NRIP1: variants seen among roughly 807,000 people sequenced by gnomAD.
NRIP1 encodes the protein nuclear receptor interacting protein 1.
In NRIP1, 28 loss-of-function variants were observed where a neutral mutation model predicts 75.0. That is an observed-to-expected ratio of 0.37 (90% CI 0.28 to 0.51). NRIP1 has a LOEUF of 0.51. Among genes scored for constraint, NRIP1 ranks in the 20% least tolerant of loss-of-function variants. The pLI is 0.92. For missense variants in NRIP1, 1,435 were observed against 1,343.7 expected (o/e 1.07, Z -1.06); for synonymous variants, 526 against 487.6 (o/e 1.08, Z -1.04).
intron 3 of NRIP1, among the ~76,000 whole-genome samples, chr21:14,972,828 A>G (rs1159162222): frequency 6.6e-6 from 1 of 152,150 alleles, no homozygotes; most frequent in Non-Finnish European, 1.5e-5. Flanking sequence ...TGTGCAGTTT[A>G]CACTAGGGTT....
At position 14,980,927 on chromosome 21, in the gene NRIP1, T is replaced by C. The variant is rs183092661; in HGVS notation, c.-334-12401A>G. 1.6e-3 allele frequency among the ~76,000 whole-genome samples: 241 copies of C among 152,316 alleles called. 2 individuals are homozygous for C. Among genetic ancestry groups the C allele is most frequent in the African/African-American group, 5.4e-3 (226 of 41,558 alleles). ...TGTCAAATTATCAAATTAAATACTA[T>C]TGAAATGACTTATATGACATCACTC... On this transcript the variant is annotated intron_variant, in intron 3 of 3. Transcript: ENST00000318948.
rs1403543103 is a variant in NRIP1, at chr21:14,965,338, T to G, written c.2855A>C (p.His952Pro). The change falls in exon 4 of 4, where the codon CAC becomes CCC. Residue 952 changes from histidine (H) to proline (P), a missense_variant. By Grantham distance (77) the His-to-Pro change is moderately conservative (BLOSUM62 -2). Coordinates refer to ENST00000318948, the MANE Select transcript of NRIP1 (RefSeq NM_003489.4). ...ACTGTCAGCCACAGAGTTACTTCTGTGCGGGGACAAATCTCGCACACAGTT... is the reference window on the plus strand; with the variant it reads ...ACTGTCAGCCACAGAGTTACTTCTGGGCGGGGACAAATCTCGCACACAGTT... ...SENCVRDLSPHRSNSVADSKK... is the reference protein window; with the variant it reads ...SENCVRDLSPPRSNSVADSKK... The G allele has an allele frequency of 6.2e-7, 1 of 1,613,958 alleles. No homozygotes were observed. The highest frequency in any genetic ancestry group is 8.5e-7 in the Non-Finnish European group (1 of 1,179,980).
intron 3 of NRIP1, among the ~76,000 whole-genome samples, chr21:14,987,101 C>A (rs1353361488): frequency 6.6e-6 from 1 of 152,150 alleles, no homozygotes; most frequent in Non-Finnish European, 1.5e-5. Flanking sequence ...AACTATCTTC[C>A]AAGGTGGTCT....
rs570153863 is a variant in NRIP1 at position 15,045,676 on chromosome 21, C to A, written c.-537-2102G>T. Among the ~76,000 whole-genome samples the A allele has an allele frequency of 3.3e-5, 5 of 152,304 alleles. No homozygotes were observed. In the South Asian group the frequency reaches 1.0e-3, roughly 32 times the overall value. ...TGATTCTTCCTTTCACAGAATAATT[C>A]TCTGTAGCATGTAATGCTGTTTGAT... is the stretch of plus-strand genomic sequence containing the variant. On this transcript the variant is annotated intron_variant, in intron 1 of 3. Transcript: ENST00000318948.
chr21:15,055,960 T>C (rs527610590), intron 1 of NRIP1, among the ~76,000 whole-genome samples: 2 of 150,916 alleles, frequency 1.3e-5, no homozygotes, highest in Middle Eastern at 3.4e-3. Context: ...GAATGAGATA[T>C]TAAGAAATAA....
intron 2 of NRIP1, among the ~76,000 whole-genome samples, chr21:15,026,824 CA>C (rs1386406479): frequency 6.6e-6 from 1 of 151,802 alleles, no homozygotes; most frequent in African/African-American, 2.4e-5. Context: ...AAATAAATTT[CA>C]AAAAACCAAT....
At chr21:15,018,799 C>T (rs2147195865) in intron 2 of NRIP1, among the ~76,000 whole-genome samples, 1 of 152,248 alleles carries the variant, frequency 6.6e-6, no homozygotes, top group South Asian at 2.1e-4. Context: ...TTTCCACATG[C>T]TCCAAAATAG....
chr21:15,004,363 T>C lies in NRIP1; in HGVS notation c.-335+9981A>G, dbSNP rs116900722. On this transcript the variant is annotated intron_variant, in intron 3 of 3. Coordinates refer to ENST00000318948, the MANE Select transcript of NRIP1 (RefSeq NM_003489.4). The stretch of plus-strand genomic sequence containing the variant: ...TAACTTTCTCTACACAATGTCATTT[T>C]GTGGATAAAAAAATAACTGCCATGT... Among the ~76,000 whole-genome samples the C allele has an allele frequency of 9.8e-5, 15 of 152,372 alleles. No individual in the cohort carries two copies. The East Asian group carries it at 2.9e-3, about 29-fold the overall frequency.
Position 15,052,602 on chromosome 21 carries a change from A to C in NRIP1, c.-537-9028T>G, listed in dbSNP as rs568078759. The stretch of plus-strand genomic sequence containing the variant: ...CAATACAGCCAATGACTTAAACTAC[A>C]GAAGGTAATTACAACTTGCTACTTA... On this transcript the variant is annotated intron_variant, in intron 1 of 3. Coordinates refer to ENST00000318948, the MANE Select transcript of NRIP1 (RefSeq NM_003489.4). Among the ~76,000 whole-genome samples the C allele has an allele frequency of 7.2e-5, 11 of 152,354 alleles. No individual in the cohort carries two copies. The South Asian group carries it at 2.3e-3, about 32-fold the overall frequency.
chr21:14,997,652 A>G (rs2087762444), intron 3 of NRIP1, among the ~76,000 whole-genome samples: 2 of 150,874 alleles, frequency 1.3e-5, no homozygotes, highest in Admixed American at 6.6e-5. Flanking sequence ...ACCCACAAAA[A>G]TAATCATTAT....
At chr21:14,973,046 TTTG>T (rs2086947075) in intron 3 of NRIP1, among the ~76,000 whole-genome samples, 2 of 152,208 alleles carry the variant, frequency 1.3e-5, no homozygotes, top group East Asian at 1.9e-4. Context: ...AATCCTCTGG[TTTG>T]TTATTTTCTT....
intron 3 of NRIP1, among the ~76,000 whole-genome samples, chr21:14,984,415 G>A (rs981797701): frequency 4.1e-5 from 6 of 146,992 alleles, no homozygotes; most frequent in Non-Finnish European, 5.9e-5. Context: ...CTCCCACATC[G>A]GCCTCCCAAA....
chr21:15,062,325 T>G (rs972574338), intron 1 of NRIP1, among the ~76,000 whole-genome samples: 2 of 152,258 alleles, frequency 1.3e-5, no homozygotes, highest in African/African-American at 4.8e-5. Flanking sequence ...CTGCGTTCTC[T>G]CTTAACTTCT....
rs929448680 is a variant in NRIP1, at chr21:14,974,716, C to T, written c.-334-6190G>A. 5.3e-5 allele frequency among the ~76,000 whole-genome samples: 8 copies of T among 152,314 alleles called. No homozygotes were observed. The South Asian group carries it at 1.0e-3, about 20-fold the overall frequency. Reference sequence around the variant, plus strand: ...TGAATACCGAGCAATGCAGTCTTTCCTAATGAATAACTAACTGTATGAAAA... The same window carrying T: ...TGAATACCGAGCAATGCAGTCTTTCTTAATGAATAACTAACTGTATGAAAA... On this transcript the variant is annotated intron_variant, in intron 3 of 3. Transcript: ENST00000318948.
rs1472029894 is a variant in NRIP1 at position 14,964,701 on chromosome 21, G to C, written c.*15C>G. On this transcript the variant is annotated 3_prime_UTR_variant, in exon 4 of 4. Transcript: ENST00000318948. ...TTAGTTTTAAAAAGATCCAAAACTG[G>C]ATGGCAGGTACATTTTATTCTGATT... The C allele has an allele frequency of 2.0e-6, 3 of 1,504,704 alleles. No homozygotes were observed. The highest frequency in any genetic ancestry group is 2.7e-6 in the Non-Finnish European group (3 of 1,125,126). 93.2% of individuals were successfully genotyped at this position (1,504,704 alleles called of 1,614,324 possible).
chr21:15,016,399 GAA>G (rs920780763), intron 2 of NRIP1, among the ~76,000 whole-genome samples: 3 of 152,098 alleles, frequency 2.0e-5, no homozygotes, highest in Non-Finnish European at 2.9e-5. Context: ...GGGAATTTCT[GAA>G]GTCTCCAATC....
At chr21:14,972,877 C>T (rs997431238) in intron 3 of NRIP1, among the ~76,000 whole-genome samples, 2 of 152,198 alleles carry the variant, frequency 1.3e-5, no homozygotes, top group African/African-American at 4.8e-5. Context: ...ACCGATGTGA[C>T]AGGAGGCGGA....
intron 3 of NRIP1, among the ~76,000 whole-genome samples, chr21:15,013,032 A>T (rs1254600468): frequency 6.6e-6 from 1 of 152,176 alleles, no homozygotes; most frequent in African/African-American, 2.4e-5. Flanking sequence ...ATGGGGTTCA[A>T]TATCAACTGT....
intron 2 of NRIP1, among the ~76,000 whole-genome samples, chr21:15,041,221 TA>T (rs113934587): frequency 1.1e-4 from 16 of 152,066 alleles, no homozygotes; most frequent in Non-Finnish European, 1.5e-5. Context: ...ATAATGTTGA[TA>T]AAAAAAGACA....
Sources: gnomAD v4.1 joint callset for allele counts (sites outside exome capture counted in the v4.1 genomes callset) on GRCh38, gnomAD v4.1.1 for gene constraint, MANE v1.5 for transcripts, NCBI Gene and HGNC (gene_info 2026-07-23, HGNC 2026-07-21) for gene names.